Variants in SLAIN2 observed in about 807,000 individuals in gnomAD.
The protein encoded by SLAIN2 is SLAIN motif-containing protein 2.
In SLAIN2, 31 loss-of-function variants were observed where a neutral mutation model predicts 56.6. The ratio of observed to expected loss-of-function variants is 0.55; its 90% confidence interval spans 0.41 to 0.74. The LOEUF (loss-of-function observed/expected upper bound fraction) is 0.74. Ranked by LOEUF, SLAIN2 falls within the 30% of genes least tolerant of loss-of-function variation. The pLI, the probability that SLAIN2 is intolerant of heterozygous loss-of-function variation, is 0.00. For missense variants in SLAIN2, 777 were observed against 754.2 expected (o/e 1.03, Z -0.35); for synonymous variants, 317 against 284.9 (o/e 1.11, Z -1.13).
intron 1 of SLAIN2, among the ~76,000 whole-genome samples, chr4:48,347,486 T>TG (rs1467623821): frequency 6.6e-6 from 1 of 152,166 alleles, no homozygotes; most frequent in African/African-American, 2.4e-5. Flanking sequence ...TGGGCTCAAG[T>TG]GATCCACCTG....
rs1717260071 is a variant in SLAIN2 at position 48,424,872 on chromosome 4, T to C, written c.*2795T>C. The C allele has an allele frequency of 6.6e-6, 1 of 152,172 alleles. No individual in the cohort carries two copies. The highest frequency in any genetic ancestry group is 1.5e-5 in the Non-Finnish European group (1 of 68,008). 9.4% of individuals were successfully genotyped at this position (152,172 alleles called of 1,614,324 possible). ...TATGTATGTTTAAATTAACTTTTTA[T>C]TGAATGTACAGGTGTCCATTTTTGA... is the stretch of plus-strand genomic sequence containing the variant. On this transcript the variant is annotated 3_prime_UTR_variant, in exon 8 of 8. Coordinates refer to ENST00000264313, the MANE Select transcript of SLAIN2 (RefSeq NM_020846.2).
chr4:48,418,739 T>C (rs1171277759), intron 6 of SLAIN2, among the ~76,000 whole-genome samples: 2 of 152,214 alleles, frequency 1.3e-5, no homozygotes, highest in Non-Finnish European at 2.9e-5. Context: ...CTTAAACATT[T>C]GGTGGAATTT....
chr4:48,384,610 G>A (rs1267382113), intron 6 of SLAIN2, among the ~76,000 whole-genome samples: 3 of 152,146 alleles, frequency 2.0e-5, no homozygotes, highest in African/African-American at 7.2e-5. Flanking sequence ...GTGAATTTTA[G>A]AAGTATAGTA....
intron 1 of SLAIN2, among the ~76,000 whole-genome samples, chr4:48,354,613 C>T (rs767949254): frequency 6.6e-6 from 1 of 151,682 alleles, no homozygotes; most frequent in Non-Finnish European, 1.5e-5. Flanking sequence ...ATTACAGACA[C>T]CCACCACCAC....
chr4:48,360,165 A>AAC (rs1553902063), intron 1 of SLAIN2, among the ~76,000 whole-genome samples: 14 of 151,922 alleles, frequency 9.2e-5, no homozygotes, highest in Admixed American at 3.9e-4. Context: ...AAAAAAAAAA[A>AAC]AAATAGTGGT....
At chr4:48,411,993 G>A (rs144534333) in intron 6 of SLAIN2, among the ~76,000 whole-genome samples, 5 of 148,116 alleles carry the variant, frequency 3.4e-5, no homozygotes, top group African/African-American at 5.0e-5. Flanking sequence ...TGCTCTGTAT[G>A]TTTTTATGGA....
At chr4:48,405,274 A>G (rs1003561324) in intron 6 of SLAIN2, among the ~76,000 whole-genome samples, 1 of 152,168 alleles carries the variant, frequency 6.6e-6, no homozygotes, top group African/African-American at 2.4e-5. Context: ...ACCCCTCCCC[A>G]AAAAGTATCT....
At chr4:48,418,556 A>AT (rs952025590) in intron 6 of SLAIN2, among the ~76,000 whole-genome samples, 10 of 151,498 alleles carry the variant, frequency 6.6e-5, no homozygotes, top group East Asian at 1.9e-4. Flanking sequence ...ATTTTCTAAT[A>AT]TTTTTTTAAG....
intron 4 of SLAIN2, among the ~76,000 whole-genome samples, chr4:48,380,072 C>G (rs1051459204): frequency 3.3e-5 from 5 of 152,078 alleles, no homozygotes; most frequent in African/African-American, 1.2e-4. Context: ...GGACAAAGAA[C>G]AGCATTTATG....
chr4:48,424,458 A>G lies in SLAIN2; in HGVS notation c.*2381A>G, dbSNP rs1717246999. 2 of 152,148 alleles carry G rather than the reference A, an allele frequency of 1.3e-5. No individual in the cohort carries two copies. The highest frequency in any genetic ancestry group is 2.9e-5 in the Non-Finnish European group (2 of 67,986). 9.4% of individuals were successfully genotyped at this position (152,148 alleles called of 1,614,324 possible). Reference sequence around the variant, plus strand: ...GATTATTTTGTGCCAACAGCCCAGAATTGTCACTTATATGTAAGCAGAAAA... The same window carrying G: ...GATTATTTTGTGCCAACAGCCCAGAGTTGTCACTTATATGTAAGCAGAAAA... On this transcript the variant is annotated 3_prime_UTR_variant, in exon 8 of 8. Coordinates refer to ENST00000264313, the MANE Select transcript of SLAIN2 (RefSeq NM_020846.2).
At chr4:48,373,812 G>A (rs1481524872) in intron 2 of SLAIN2, among the ~76,000 whole-genome samples, 11 of 152,120 alleles carry the variant, frequency 7.2e-5, no homozygotes, top group African/African-American at 2.7e-4. Flanking sequence ...AGGCCAAGGT[G>A]GGCGGATCAC....
At chr4:48,388,689 C>G (rs1009663600) in intron 6 of SLAIN2, among the ~76,000 whole-genome samples, 7 of 152,206 alleles carry the variant, frequency 4.6e-5, no homozygotes, top group Non-Finnish European at 2.9e-5. Flanking sequence ...TTTCCTCTTC[C>G]TCATTGTTTG....
At chr4:48,379,658 A>C (rs777455921) in intron 3 of SLAIN2, 32 bp from the exon 4 acceptor site, 1 of 1,367,184 alleles carries the variant, frequency 7.3e-7, no homozygotes, top group Non-Finnish European at 9.5e-7. Flanking sequence ...GCTTTACCAG[A>C]GTTTGAATTT....
At chr4:48,343,848 T>A (rs532246325) in intron 1 of SLAIN2, among the ~76,000 whole-genome samples, 40 of 152,218 alleles carry the variant, frequency 2.6e-4, no homozygotes, top group Admixed American at 1.3e-4. Flanking sequence ...GTTTTTGATA[T>A]AAATGTGAAA....
At chr4:48,383,950 A>G (rs1046749755) in intron 6 of SLAIN2, 166 bp downstream of exon 6, 11 of 664,012 alleles carry the variant, frequency 1.7e-5, no homozygotes, top group African/African-American at 1.3e-4. Flanking sequence ...AATCAAAGTT[A>G]TATTACAATT....
intron 6 of SLAIN2, among the ~76,000 whole-genome samples, chr4:48,385,351 G>A (rs1716073917): frequency 6.6e-6 from 1 of 152,164 alleles, no homozygotes; most frequent in South Asian, 2.1e-4. Flanking sequence ...CCGTATATGA[G>A]CTCTGAGACA....
At chr4:48,372,063 TAC>T (rs1310786702) in intron 2 of SLAIN2, among the ~76,000 whole-genome samples, 13 of 132,222 alleles carry the variant, frequency 9.8e-5, no homozygotes, top group South Asian at 2.6e-4. Context: ...TATATATATA[TAC>T]ACACACACAC....
At chr4:48,380,811 A>G (rs1304375423) in intron 4 of SLAIN2, among the ~76,000 whole-genome samples, 3 of 152,156 alleles carry the variant, frequency 2.0e-5, no homozygotes, top group East Asian at 1.9e-4. Context: ...TTTAGTTCAA[A>G]AACTTTCTGT....
At chr4:48,400,288 C>T (rs1442430508) in intron 6 of SLAIN2, among the ~76,000 whole-genome samples, 2 of 151,734 alleles carry the variant, frequency 1.3e-5, no homozygotes, top group Non-Finnish European at 1.5e-5. Flanking sequence ...AGTTTATGTA[C>T]ATAGAGGTGT....
Sources: gnomAD v4.1 joint callset for allele counts (sites outside exome capture counted in the v4.1 genomes callset) on GRCh38, gnomAD v4.1.1 for gene constraint, MANE v1.5 for transcripts, NCBI Gene and HGNC (gene_info 2026-07-23, HGNC 2026-07-21) for gene names.